The following LAMA2 variants were observed in gnomAD, a reference collection of about 807,000 sequenced individuals.
LAMA2 encodes laminin subunit alpha-2.
LAMA2 carries 269 observed loss-of-function variants against 364.8 expected under a neutral mutation model. The ratio of observed to expected loss-of-function variants is 0.74; its 90% CI spans 0.67 to 0.82. The LOEUF is 0.82. Ranked by LOEUF, LAMA2 falls within the 40% of genes least tolerant of loss-of-function variation. LAMA2 has a pLI of 0.00. For missense variants in LAMA2, 3,807 were observed against 3,873.2 expected, an observed-to-expected ratio of 0.98 and a Z score of 0.45; for synonymous variants, 1,379 against 1,370.6, an observed-to-expected ratio of 1.01 and a Z score of -0.14.
chr6:129,104,246 C>T (rs1775694342), intron 4 of LAMA2, among the ~76,000 whole-genome samples: 1 of 152,138 alleles, frequency 6.6e-6, no homozygotes, highest in African/African-American at 2.4e-5. Context: ...GATCTTTCCA[C>T]CTTAGTCTTC....
rs553568151 is a variant in LAMA2 at position 129,330,070 on chromosome 6, T to C, written c.4311+1658T>C. Among the ~76,000 whole-genome samples, 18 of 151,514 alleles carry C rather than the reference T, an allele frequency of 1.2e-4. 1 individual carries two copies. Among genetic ancestry groups the C allele is most frequent in the Admixed American group, 7.3e-4 (11 of 15,164 alleles). Reference sequence around the variant, plus strand: ...ATCAATGATCTGTCACTGTCTCCCATCACCCCAAGATGGGACTATCTAGTT... The same window carrying C: ...ATCAATGATCTGTCACTGTCTCCCACCACCCCAAGATGGGACTATCTAGTT... On this transcript the variant is annotated intron_variant, in intron 29 of 64. Coordinates refer to ENST00000421865, the MANE Select transcript of LAMA2 (RefSeq NM_000426.4).
At chr6:129,232,020 T>C (rs1784695531) in intron 12 of LAMA2, among the ~76,000 whole-genome samples, 1 of 152,266 alleles carries the variant, frequency 6.6e-6, no homozygotes, top group South Asian at 2.1e-4. Context: ...ACAGTAGTGA[T>C]CACTTATGTC....
At chr6:128,929,291 GC>G (rs1373065036) in intron 1 of LAMA2, 4 of 1,289,090 alleles carry the variant, frequency 3.1e-6, no homozygotes, top group Admixed American at 3.4e-5. Flanking sequence ...GCGGATCCCT[GC>G]CCACATGTCC....
intron 48 of LAMA2, 99 bp downstream of exon 48, chr6:129,456,593 T>C: frequency 8.8e-7 from 1 of 1,139,942 alleles, no homozygotes; most frequent in Non-Finnish European, 1.3e-6. Flanking sequence ...TAAAACTTGA[T>C]CACGTTTTAC....
chr6:129,009,976 G>A (rs986533656), intron 1 of LAMA2, among the ~76,000 whole-genome samples: 5 of 152,096 alleles, frequency 3.3e-5, no homozygotes, highest in African/African-American at 9.7e-5. Context: ...AACAGTGAAG[G>A]AGACAAAATT....
intron 3 of LAMA2, among the ~76,000 whole-genome samples, chr6:129,063,587 A>G (rs1372134388): frequency 6.6e-6 from 1 of 152,126 alleles, no homozygotes; most frequent in Non-Finnish European, 1.5e-5. Flanking sequence ...CAGGAATGCC[A>G]TTAATTAGTT....
intron 1 of LAMA2, among the ~76,000 whole-genome samples, chr6:128,884,702 G>A (rs951998468): frequency 1.3e-5 from 2 of 152,040 alleles, no homozygotes; most frequent in Non-Finnish European, 2.9e-5. Context: ...TATAATTTAC[G>A]AGAGTGATTT....
chr6:129,157,050 T>A (rs1214497256), intron 8 of LAMA2, among the ~76,000 whole-genome samples: 1 of 152,094 alleles, frequency 6.6e-6, no homozygotes, highest in Non-Finnish European at 1.5e-5. Context: ...CTAAGCAGTA[T>A]CCCAAACACA....
At chr6:128,910,921 T>C (rs1777881789) in intron 1 of LAMA2, among the ~76,000 whole-genome samples, 2 of 151,546 alleles carry the variant, frequency 1.3e-5, no homozygotes, top group Admixed American at 1.3e-4. Flanking sequence ...GTGCCCCTGC[T>C]GGGGGGTGCC....
intron 4 of LAMA2, among the ~76,000 whole-genome samples, chr6:129,102,292 A>G (rs1026347695): frequency 1.3e-4 from 19 of 151,748 alleles, no homozygotes; most frequent in African/African-American, 3.6e-4. Flanking sequence ...GCGTGCCACC[A>G]TGTCCACTTG....
At chr6:129,048,660 G>A (rs955536374) in intron 1 of LAMA2, among the ~76,000 whole-genome samples, 2 of 147,572 alleles carry the variant, frequency 1.4e-5, no homozygotes, top group African/African-American at 5.1e-5. Flanking sequence ...TGTCTCCCAG[G>A]CTGGAGTGCA....
intron 8 of LAMA2, among the ~76,000 whole-genome samples, chr6:129,161,592 G>A (rs1315841573): frequency 6.6e-6 from 1 of 151,870 alleles, no homozygotes; most frequent in Non-Finnish European, 1.5e-5. Flanking sequence ...ATGGGATTTG[G>A]TGTACAGATT....
intron 39 of LAMA2, among the ~76,000 whole-genome samples, chr6:129,402,821 T>C (rs4562158): frequency 0.5 from 76,482 of 152,124 alleles, 19,735 homozygotes; most frequent in African/African-American, 0.62. Context: ...TATATGAAAA[T>C]ACATTCTGTT....
At chr6:129,249,450 G>T (rs1414468917) in intron 12 of LAMA2, among the ~76,000 whole-genome samples, 1 of 152,118 alleles carries the variant, frequency 6.6e-6, no homozygotes, top group African/African-American at 2.4e-5. Flanking sequence ...AGTGTACATT[G>T]CATGGGGCTT....
At chr6:129,029,503 A>G (rs1348170601) in intron 1 of LAMA2, among the ~76,000 whole-genome samples, 2 of 152,022 alleles carry the variant, frequency 1.3e-5, no homozygotes. Flanking sequence ...ACTTATAGTC[A>G]GATTGATTCT....
chr6:129,207,758 T>A (rs1422590729), intron 12 of LAMA2, among the ~76,000 whole-genome samples: 2 of 151,406 alleles, frequency 1.3e-5, no homozygotes, highest in Non-Finnish European at 2.9e-5. Context: ...AGACACCTGT[T>A]AGCTGCCAAC....
chr6:128,985,155 G>A (rs1447014919), intron 1 of LAMA2, among the ~76,000 whole-genome samples: 1 of 152,066 alleles, frequency 6.6e-6, no homozygotes, highest in South Asian at 2.1e-4. Context: ...TGTGGAATGG[G>A]TCTCTCTGAA....
chr6:129,159,840 C>A (rs1779348837), intron 8 of LAMA2, among the ~76,000 whole-genome samples: 1 of 152,084 alleles, frequency 6.6e-6, no homozygotes, highest in South Asian at 2.1e-4. Context: ...ATATGCTTTT[C>A]GAAACCTACT....
intron 1 of LAMA2, among the ~76,000 whole-genome samples, chr6:128,894,140 C>T (rs745682334): frequency 6.6e-6 from 1 of 152,088 alleles, no homozygotes; most frequent in Non-Finnish European, 1.5e-5. Flanking sequence ...ACTGCATCAA[C>T]GATATTTTTG....
Sources: allele counts gnomAD v4.1 joint callset (sites outside exome capture counted in the v4.1 genomes callset), GRCh38; gene constraint gnomAD v4.1.1; transcripts MANE v1.5; gene names NCBI Gene and HGNC (gene_info 2026-07-23, HGNC 2026-07-21).